The following DIS3L variants were observed in gnomAD, a reference collection of about 807,000 sequenced individuals.
DIS3L encodes DIS3 like exosome 3'-5' exoribonuclease.
Under a neutral mutation model 120.3 loss-of-function variants are expected in DIS3L, and 100 were observed. The observed-to-expected ratio is 0.83, with a 90% confidence interval of 0.71 to 0.98. The LOEUF is 0.98. DIS3L is among the 50% of genes least tolerant of loss of function. The pLI is 0.00. For missense variants in DIS3L, 1,196 were observed against 1,314.2 expected, an observed-to-expected ratio of 0.91 and a Z score of 1.39; for synonymous variants, 426 against 470.6, an observed-to-expected ratio of 0.91 and a Z score of 1.23.
chr15:66,329,406 G>C lies in DIS3L; in HGVS notation c.2535+7G>C. ...TATCAACAACAGAAACCAAGTAAGA[G>C]GGAATTTCAAAATTCTCTTACCTGT... On this transcript the variant is annotated splice_region_variant and intron_variant, in intron 14 of 16. Coordinates refer to ENST00000319212, the MANE Select transcript of DIS3L (RefSeq NM_001143688.3). The C allele has an allele frequency of 6.3e-7, 1 of 1,598,150 alleles. No individual in the cohort carries two copies. Among genetic ancestry groups the C allele is most frequent in the East Asian group, 2.2e-5 (1 of 44,674 alleles).
At position 66,318,712 on chromosome 15, in the gene DIS3L, C is replaced by T. The variant is rs369732493; in HGVS notation, c.1164+94C>T. On this transcript the variant is annotated intron_variant, in intron 8 of 16. Coordinates refer to ENST00000319212, the MANE Select transcript of DIS3L (RefSeq NM_001143688.3). ...CAGTACCAGAAAGCATTGTTAATTC[C>T]TTTGCATATAAAGAAATAAATTATT... The T allele has an allele frequency of 4.6e-6, 6 of 1,299,128 alleles. No homozygotes were observed. The African/African-American group carries it at 7.5e-5, about 16-fold the overall frequency. 80.5% of individuals were successfully genotyped at this position (1,299,128 alleles called of 1,614,324 possible).
chr15:66,303,258 A>G (rs886357623), intron 2 of DIS3L, among the ~76,000 whole-genome samples: 1 of 152,228 alleles, frequency 6.6e-6, no homozygotes, highest in Non-Finnish European at 1.5e-5. Flanking sequence ...TGCTGTGAAC[A>G]TAGGTATACA....
chr15:66,330,581 A>G (rs2092989571), intron 14 of DIS3L: 2 of 978,554 alleles, frequency 2.0e-6, no homozygotes, highest in South Asian at 4.7e-5. Context: ...ATTTAATTAA[A>G]ATTAGAAGTA....
At chr15:66,301,271 A>ATATTTATTTATT (rs59588832) in intron 2 of DIS3L, among the ~76,000 whole-genome samples, 54 of 150,914 alleles carry the variant, frequency 3.6e-4, no homozygotes, top group African/African-American at 1.2e-3. Context: ...AGTTGAATTT[A>ATATTTATTTATT]TATTTATTTA....
At position 66,333,099 on chromosome 15, in the gene DIS3L, T is replaced by TA. The variant is rs750358601; in HGVS notation, c.2953dup (p.Ile985AsnfsTer11). 8.1e-6 allele frequency: 13 copies of TA among 1,613,280 alleles called. No homozygotes were observed. Among genetic ancestry groups the TA allele is most frequent in the Non-Finnish European group, 7.6e-6 (9 of 1,180,042 alleles). ...CATACAAGATACCAAATACAGAACT[T>TA]ATTCATCAGAGTTCCCCCTTGCTGA... On this transcript the variant is annotated frameshift_variant, in exon 17 of 17. Transcript: ENST00000319212. LOFTEE classifies it high-confidence loss of function.
In DIS3L at chr15:66,309,094, A is replaced by AAAAAAAATAT; in HGVS notation, c.558+251_558+252insAAAAAATATA. Among the ~76,000 whole-genome samples, 3 of 15,316 alleles carry AAAAAAAATAT rather than the reference A, an allele frequency of 2.0e-4. 1 individual carries two copies. Among genetic ancestry groups the AAAAAAAATAT allele is most frequent in the East Asian group, 5.1e-3 (1 of 196 alleles). The allele number at this position is 15,316 out of a possible 152,430, so 10.0% of individuals were successfully genotyped here. ...CTTGTCTCTACAGAAAAAAAAAAAA[A>AAAAAAAATAT]ATATATATATCTCCAAGCATGGTGG... On this transcript the variant is annotated intron_variant, in intron 4 of 16. Transcript: ENST00000319212.
upstream of DIS3L, chr15:66,293,437 G>T (rs1368267711): frequency 3.0e-5 from 36 of 1,188,000 alleles, no homozygotes; most frequent in Non-Finnish European, 3.7e-5. Flanking sequence ...GGCCGGGAGG[G>T]CCGGGCCCCA....
chr15:66,318,143 T>C (rs188101238), intron 7 of DIS3L, among the ~76,000 whole-genome samples: 1 of 152,244 alleles, frequency 6.6e-6, no homozygotes, highest in Admixed American at 6.5e-5. Flanking sequence ...CCAGCTAATT[T>C]TTGTATTTTT....
chr15:66,309,094 A>AAAAAAAAATATATATATATATATATAT lies in DIS3L; in HGVS notation c.558+251_558+252insAAAAAAATATATATATATATATATATA. 8.5e-4 allele frequency among the ~76,000 whole-genome samples: 13 copies of AAAAAAAAATATATATATATATATATAT among 15,314 alleles called. 4 individuals carry two copies. The highest frequency in any genetic ancestry group is 3.2e-3 in the Admixed American group (2 of 620). 10.0% of individuals were successfully genotyped at this position (15,314 alleles called of 152,430 possible). The stretch of plus-strand genomic sequence containing the variant: ...CTTGTCTCTACAGAAAAAAAAAAAA[A>AAAAAAAAATATATATATATATATATAT]ATATATATATCTCCAAGCATGGTGG... On this transcript the variant is annotated intron_variant, in intron 4 of 16. Transcript: ENST00000319212.
chr15:66,312,051 T>A, intron 5 of DIS3L, 151 bp downstream of exon 5: 1 of 919,300 alleles, frequency 1.1e-6, no homozygotes, highest in Non-Finnish European at 1.6e-6. Flanking sequence ...TAGAAAAAAT[T>A]TAAAAATTAG....
chr15:66,316,484 G>A (rs1256463238), intron 7 of DIS3L, among the ~76,000 whole-genome samples: 3 of 152,060 alleles, frequency 2.0e-5, no homozygotes, highest in Non-Finnish European at 4.4e-5. Context: ...CCCTCCCCAT[G>A]TAGTCTTTTC....
intron 2 of DIS3L, 70 bp downstream of exon 2, chr15:66,295,211 G>C: frequency 6.9e-7 from 1 of 1,444,136 alleles, no homozygotes; most frequent in Non-Finnish European, 9.4e-7. Context: ...TCCCTTGTCG[G>C]AGGGGGATGG....
intron 9 of DIS3L, among the ~76,000 whole-genome samples, chr15:66,321,932 A>C (rs572326094): frequency 1.3e-5 from 2 of 152,294 alleles, no homozygotes; most frequent in South Asian, 4.1e-4. Flanking sequence ...CTCCAGAAAA[A>C]TTGGACCCAT....
chr15:66,317,798 C>T (rs1401290257), intron 7 of DIS3L, among the ~76,000 whole-genome samples: 1 of 150,350 alleles, frequency 6.7e-6, no homozygotes, highest in Non-Finnish European at 1.5e-5. Context: ...CTGTGAATAG[C>T]CAGTGCACTC....
chr15:66,308,960 T>A, intron 4 of DIS3L, 116 bp downstream of exon 4: 1 of 1,281,934 alleles, frequency 7.8e-7, no homozygotes, highest in Non-Finnish European at 1.0e-6. Context: ...TAAGTTCCAT[T>A]TTGGCCAGGC....
At chr15:66,323,723 C>T in intron 11 of DIS3L, 138 bp downstream of exon 11, 1 of 793,252 alleles carries the variant, frequency 1.3e-6, no homozygotes, top group Non-Finnish European at 2.1e-6. Context: ...CTCAACCTCA[C>T]CCCCGACCCC....
intron 14 of DIS3L, chr15:66,331,431 TG>T (rs1418666886): frequency 6.6e-6 from 1 of 152,504 alleles, no homozygotes; most frequent in Non-Finnish European, 1.5e-5. Flanking sequence ...GGCAGGCGCC[TG>T]TAGTCCCAGC....
intron 7 of DIS3L, 103 bp from the exon 8 acceptor site, chr15:66,318,346 G>T: frequency 1.6e-6 from 2 of 1,283,290 alleles, no homozygotes; most frequent in South Asian, 1.6e-5. Context: ...AAAAAAATAG[G>T]ACACTGTATT....
intron 7 of DIS3L, among the ~76,000 whole-genome samples, chr15:66,316,043 C>G (rs573379732): frequency 1.3e-5 from 2 of 152,172 alleles, no homozygotes; most frequent in Admixed American, 1.3e-4. Flanking sequence ...CTGTTCTCTG[C>G]GCTCTCTCCC....
Sources: allele counts gnomAD v4.1 joint callset (sites outside exome capture counted in the v4.1 genomes callset), GRCh38; gene constraint gnomAD v4.1.1; transcripts MANE v1.5; gene names NCBI Gene and HGNC (gene_info 2026-07-23, HGNC 2026-07-21).